Variants in RARB observed in about 807,000 individuals in gnomAD.
RARB encodes the protein retinoic acid receptor beta.
Under a neutral mutation model 51.9 loss-of-function variants are expected in RARB, and 17 were observed. The observed-to-expected ratio is 0.33, with a 90% confidence interval of 0.22 to 0.49. The LOEUF is 0.49. Among genes scored for constraint, RARB ranks in the 20% least tolerant of loss-of-function variants. RARB has a pLI of 0.99. For missense variants in RARB, 369 were observed against 550.8 expected, an observed-to-expected ratio of 0.67 and a Z score of 3.30; for synonymous variants, 215 against 195.4, an observed-to-expected ratio of 1.10 and a Z score of -0.84.
intron 5 of RARB, among the ~76,000 whole-genome samples, chr3:25,258,679 T>C (rs999110616): frequency 1.3e-4 from 20 of 152,086 alleles, no homozygotes; most frequent in African/African-American, 3.9e-4. Flanking sequence ...TAGTTCATGG[T>C]TCTGGAGGCT....
chr3:24,995,533 C>G (rs1697002710), intron 2 of RARB, among the ~76,000 whole-genome samples: 1 of 152,038 alleles, frequency 6.6e-6, no homozygotes, highest in African/African-American at 2.4e-5. Flanking sequence ...AGTGGGCATT[C>G]TTACGTTGTT....
At chr3:25,585,845 G>A (rs1161540026) in intron 5 of RARB, among the ~76,000 whole-genome samples, 7 of 152,196 alleles carry the variant, frequency 4.6e-5, no homozygotes, top group Non-Finnish European at 8.8e-5. Flanking sequence ...CCCAGGTCGC[G>A]CAGCTAGTAA....
chr3:24,981,557 G>C (rs1257083854), intron 2 of RARB, among the ~76,000 whole-genome samples: 1 of 152,166 alleles, frequency 6.6e-6, no homozygotes, highest in African/African-American at 2.4e-5. Context: ...CGTTAGCAGA[G>C]AGCAAGGCTC....
intron 5 of RARB, among the ~76,000 whole-genome samples, chr3:25,370,844 C>T (rs911786183): frequency 3.3e-5 from 5 of 152,196 alleles, no homozygotes; most frequent in East Asian, 1.9e-4. Flanking sequence ...AAACCTAAAT[C>T]CAGTAGAGTT....
chr3:25,058,139 C>G (rs1017656883), intron 2 of RARB, among the ~76,000 whole-genome samples: 33 of 151,742 alleles, frequency 2.2e-4, no homozygotes, highest in African/African-American at 7.7e-4. Flanking sequence ...GTTTGGAGTT[C>G]AAAGTTGTGA....
chr3:25,173,043 T>C (rs915380297), intron 4 of RARB, among the ~76,000 whole-genome samples: 1 of 152,180 alleles, frequency 6.6e-6, no homozygotes, highest in South Asian at 2.1e-4. Context: ...GAATCTTTTT[T>C]TGTGCCACAT....
At chr3:24,922,423 T>G (rs1462095397) in intron 2 of RARB, among the ~76,000 whole-genome samples, 1 of 152,218 alleles carries the variant, frequency 6.6e-6, no homozygotes, top group Non-Finnish European at 1.5e-5. Flanking sequence ...CCAGGAATTG[T>G]GCTGAGCATG....
chr3:24,860,960 A>G (rs372440209), intron 2 of RARB, among the ~76,000 whole-genome samples: 107 of 152,290 alleles, frequency 7.0e-4, no homozygotes, highest in African/African-American at 2.4e-3. Context: ...AGGTTCGTAT[A>G]TTTTGTGAAA....
intron 2 of RARB, among the ~76,000 whole-genome samples, chr3:25,002,073 T>C (rs1312734267): frequency 6.6e-6 from 1 of 152,152 alleles, no homozygotes; most frequent in African/African-American, 2.4e-5. Context: ...ACCTGGCTTA[T>C]ATGTCAGATT....
intron 3 of RARB, among the ~76,000 whole-genome samples, chr3:25,511,650 T>C (rs1027087959): frequency 6.6e-6 from 1 of 152,124 alleles, no homozygotes; most frequent in Non-Finnish European, 1.5e-5. Flanking sequence ...TTATATGTTC[T>C]TGTATCTTAG....
At chr3:25,324,827 C>A (rs1030804977) in intron 5 of RARB, among the ~76,000 whole-genome samples, 4 of 152,178 alleles carry the variant, frequency 2.6e-5, no homozygotes, top group African/African-American at 9.7e-5. Flanking sequence ...TTTTCCTCTC[C>A]CCTCCATCCC....
At chr3:25,375,471 G>A (rs1706432465) in intron 5 of RARB, among the ~76,000 whole-genome samples, 1 of 152,164 alleles carries the variant, frequency 6.6e-6, no homozygotes, top group African/African-American at 2.4e-5. Context: ...GGTGATTGTG[G>A]AGTCAGGCAA....
Position 25,022,709 on chromosome 3 carries a change from G to C in RARB, c.-379-37416G>C, listed in dbSNP as rs182816846. On this transcript the variant is annotated intron_variant, in intron 2 of 11. Transcript: ENST00000383772. ...AGGACAGGGAAGGCTTCCCTGAAGA[G>C]CTGACATTTGAAATGATGATATGTA... Among the ~76,000 whole-genome samples, 87 of 152,304 alleles carry C rather than the reference G, an allele frequency of 5.7e-4. No homozygotes were observed. The East Asian group carries it at 0.013, about 23-fold the overall frequency.
chr3:24,980,734 T>A (rs908848165), intron 2 of RARB, among the ~76,000 whole-genome samples: 3 of 152,212 alleles, frequency 2.0e-5, no homozygotes, highest in African/African-American at 7.2e-5. Context: ...CAGATAAGTT[T>A]GTTATTCTGA....
chr3:25,270,509 T>C (rs1158277134), intron 5 of RARB, among the ~76,000 whole-genome samples: 1 of 152,170 alleles, frequency 6.6e-6, no homozygotes, highest in Non-Finnish European at 1.5e-5. Context: ...AAAAAAGATA[T>C]ATTTTTAAAA....
intron 2 of RARB, among the ~76,000 whole-genome samples, chr3:24,943,600 T>C (rs889892352): frequency 6.6e-6 from 1 of 152,186 alleles, no homozygotes; most frequent in Non-Finnish European, 1.5e-5. Flanking sequence ...GAAATGTGGG[T>C]GCAGGTTTTG....
At chr3:25,146,199 C>A (rs1441681879) in intron 4 of RARB, among the ~76,000 whole-genome samples, 1 of 152,046 alleles carries the variant, frequency 6.6e-6, no homozygotes, top group Non-Finnish European at 1.5e-5. Context: ...GACAAGGCAC[C>A]CATGTCTTAT....
chr3:25,114,783 C>T (rs932100262), intron 3 of RARB, among the ~76,000 whole-genome samples: 2 of 152,136 alleles, frequency 1.3e-5, no homozygotes, highest in Non-Finnish European at 2.9e-5. Context: ...TCTAACATGC[C>T]AAATGATGGT....
chr3:25,507,281 T>C (rs1697657508), intron 3 of RARB, among the ~76,000 whole-genome samples: 1 of 146,470 alleles, frequency 6.8e-6, no homozygotes, highest in Non-Finnish European at 1.5e-5. Context: ...TGACCAGTTT[T>C]AAAGGCAAAC....
Sources: gnomAD v4.1 joint callset for allele counts (sites outside exome capture counted in the v4.1 genomes callset) on GRCh38, gnomAD v4.1.1 for gene constraint, MANE v1.5 for transcripts, NCBI Gene and HGNC (gene_info 2026-07-23, HGNC 2026-07-21) for gene names.